UNC13D: variants seen among roughly 807,000 people sequenced by gnomAD.
UNC13D encodes the protein protein unc-13 homolog D.
In UNC13D, 115 loss-of-function variants were observed where a neutral mutation model predicts 151.7. The ratio of observed to expected loss-of-function variants is 0.76; its 90% CI spans 0.65 to 0.88. The LOEUF (loss-of-function observed/expected upper bound fraction) is 0.88. UNC13D is among the 40% of genes least tolerant of loss of function. The pLI, the probability that UNC13D is intolerant of heterozygous loss-of-function variation, is 0.00. For missense variants in UNC13D, 1,369 were observed against 1,438.7 expected, an observed-to-expected ratio of 0.95 and a Z score of 0.78; for synonymous variants, 588 against 612.2, an observed-to-expected ratio of 0.96 and a Z score of 0.58.
chr17:75,827,828 G>T lies in UNC13D; in HGVS notation c.*137C>A. 1 of 1,503,420 alleles carries T rather than the reference G, an allele frequency of 6.7e-7. No individual in the cohort carries two copies. The highest frequency in any genetic ancestry group is 8.9e-7 in the Non-Finnish European group (1 of 1,126,522). The allele number at this position is 1,503,420 out of a possible 1,614,324, so 93.1% of individuals were successfully genotyped here. ...GGGAGGCAGGGGAGGTCTGCACTCT[G>T]GGCACTCCGCATGCTGGGGCTCCCC... On this transcript the variant is annotated 3_prime_UTR_variant, in exon 32 of 32. Transcript: ENST00000207549.
intron 31 of UNC13D, 48 bp downstream of exon 31, chr17:75,828,739 T>C: frequency 1.4e-6 from 2 of 1,475,084 alleles, no homozygotes; most frequent in South Asian, 2.6e-5. Flanking sequence ...CTGCCTGAGC[T>C]TTACAGGCTC....
chr17:75,831,136 C>T lies in UNC13D; in HGVS notation c.2587G>A (p.Gly863Ser), dbSNP rs1199017760. 6.2e-7 allele frequency: 1 copy of T among 1,614,032 alleles called. No individual in the cohort carries two copies. Among genetic ancestry groups the T allele is most frequent in the Non-Finnish European group, 8.5e-7 (1 of 1,180,038 alleles). ...GTGTGCAGGGCCTTGGGTGGCAGGC[C>T]ACAGCCCTCAGCGTGGAAGCAGATC... ...LEICFHAEGCGLPPKALHTAT... is the reference protein window; with the variant it reads ...LEICFHAEGCSLPPKALHTAT... Residue 863 changes from glycine to serine, a missense_variant, in exon 27 of 32, where the codon GGC becomes AGC. Transcript: ENST00000207549.
intron 12 of UNC13D, among the ~76,000 whole-genome samples, 157 bp downstream of exon 12, chr17:75,839,682 A>C (rs1368019686): frequency 6.6e-6 from 1 of 152,078 alleles, no homozygotes. Context: ...GAATCTCTAG[A>C]CTTTTTAAAA....
At chr17:75,835,802 G>A (rs369061296) in intron 18 of UNC13D, 25 bp from the exon 19 acceptor site, 70 of 1,613,874 alleles carry the variant, frequency 4.3e-5, no homozygotes, top group African/African-American at 9.3e-5. Context: ...TGTGGAGGGC[G>A]GGGCCCACAG....
In UNC13D at chr17:75,830,529, G is replaced by A. The variant is rs187756078; in HGVS notation, c.2710-47C>T. The A allele has an allele frequency of 7.3e-4, 1,161 of 1,580,168 alleles. 3 individuals are homozygous for A. Among genetic ancestry groups the A allele is most frequent in the Admixed American group, 9.5e-4 (52 of 54,682 alleles). On this transcript the variant is annotated intron_variant, in intron 28 of 31. Transcript: ENST00000207549. ...GGGTCAGCAGGGTCACAGCGGGAGC[G>A]GGGTGCTCCAGGGCCTGCAGAGGGC... is the stretch of plus-strand genomic sequence containing the variant.
chr17:75,836,498 C>A (rs1221384551), intron 14 of UNC13D, 69 bp from the exon 15 acceptor site: 1 of 1,612,432 alleles, frequency 6.2e-7, no homozygotes, highest in African/African-American at 1.3e-5. Flanking sequence ...TCCAACAATT[C>A]TCCCACTCCT....
rs11870883 is a variant in UNC13D, at chr17:75,842,776, C to T, written c.388+81G>A. ...AGGGCTTCTTGGAAGTGGGTGCTCC[C>T]GCCAAGAGTCCTGGGCCAGGCTGTG... On this transcript the variant is annotated intron_variant, in intron 5 of 31. Transcript: ENST00000207549. 0.22 allele frequency: 344,299 copies of T among 1,600,510 alleles called. 38,287 individuals are homozygous for T. Among genetic ancestry groups the T allele is most frequent in the Non-Finnish European group, 0.23 (271,475 of 1,168,746 alleles).
At chr17:75,831,518 T>C (rs555602672) in intron 25 of UNC13D, 170 bp from the exon 26 acceptor site, 69 of 644,062 alleles carry the variant, frequency 1.1e-4, no homozygotes, top group Middle Eastern at 4.2e-4. Flanking sequence ...GGGGAGAGGG[T>C]GGGTACAGGA....
chr17:75,843,139 G>A lies in UNC13D; in HGVS notation c.261+20C>T. The A allele has an allele frequency of 1.2e-6, 2 of 1,610,732 alleles. No individual in the cohort carries two copies. The highest frequency in any genetic ancestry group is 1.1e-5 in the South Asian group (1 of 91,042). On this transcript the variant is annotated intron_variant, in intron 3 of 31. Coordinates refer to ENST00000207549, the MANE Select transcript of UNC13D (RefSeq NM_199242.3). Reference sequence around the variant, plus strand: ...ACAGGGCAGCTGCAGGAAGGGGGGTGGGGTGGGAGCCGGGCTCACCTCCTG... The same window carrying A: ...ACAGGGCAGCTGCAGGAAGGGGGGTAGGGTGGGAGCCGGGCTCACCTCCTG...
At position 75,828,884 on chromosome 17, in the gene UNC13D, G is replaced by A. The variant is rs770849476; in HGVS notation, c.3054C>T (p.Ala1018=). The A allele has an allele frequency of 6.2e-7, 1 of 1,603,556 alleles. No homozygotes were observed. ...TLGADDLEGE[A]FLPLREVPGL... The stretch of plus-strand genomic sequence containing the variant: ...CGGGCACCTCACGCAGCGGCAGGAA[G>A]GCCTCGCCTTCCAGGTCGTCGGCCC... Residue 1018 remains alanine (A), a synonymous_variant, in exon 31 of 32, where the codon GCC becomes GCT. Transcript: ENST00000207549.
chr17:75,834,819 C>T (rs2064895800), intron 21 of UNC13D, 101 bp downstream of exon 21: 4 of 1,609,504 alleles, frequency 2.5e-6, no homozygotes, highest in Non-Finnish European at 3.4e-6. Context: ...ATTTAGAATA[C>T]AGGCCTTGGG....
At position 75,835,381 on chromosome 17, in the gene UNC13D, C is replaced by G. The variant is rs373312163; in HGVS notation, c.1848+28G>C. 3.4e-5 allele frequency: 54 copies of G among 1,606,534 alleles called. No individual in the cohort carries two copies. The African/African-American group carries it at 6.1e-4, about 18-fold the overall frequency. ...CAAGCCTCACCCCCAAACCGGGGCC[C>G]CGCCCCCTGCCCTGGCCACGCCCCC... On this transcript the variant is annotated intron_variant, in intron 20 of 31. Transcript: ENST00000207549.
chr17:75,841,897 T>C (rs963760138), intron 6 of UNC13D, among the ~76,000 whole-genome samples: 60 of 150,774 alleles, frequency 4.0e-4, no homozygotes, highest in Middle Eastern at 3.5e-3. Flanking sequence ...TACAGGCGCC[T>C]GCCACCACGC....
At chr17:75,830,748 T>A in intron 27 of UNC13D, 87 bp from the exon 28 acceptor site, 5 of 1,456,482 alleles carry the variant, frequency 3.4e-6, no homozygotes, top group Non-Finnish European at 4.7e-6. Context: ...CTGTCAAGGG[T>A]AACATGTCCG....
chr17:75,843,885 G>C, intron 1 of UNC13D: 7 of 1,372,080 alleles, frequency 5.1e-6, no homozygotes, highest in Non-Finnish European at 6.6e-6. Flanking sequence ...GGGGTCTGCT[G>C]CTCCCCGAAC....
chr17:75,830,887 GCA>G (rs2064867615), intron 27 of UNC13D, among the ~76,000 whole-genome samples: 1 of 152,224 alleles, frequency 6.6e-6, no homozygotes, highest in African/African-American at 2.4e-5. Flanking sequence ...CCCCATGCGG[GCA>G]CACAGGGCCC....
chr17:75,834,361 A>G lies in UNC13D; in HGVS notation c.2262T>C (p.His754=), dbSNP rs753556309. The part of the protein sequence containing the change: ...QLQSALAGLG[H]EIRTGVRTLA... ...GGGTGCGGACGCCAGTGCGGATCTC[A>G]TGGCCCAGCCCGGCCAGCGCGCTCT... Residue 754 remains histidine (H), a synonymous_variant, in exon 23 of 32, where the codon CAT becomes CAC. Coordinates refer to ENST00000207549, the MANE Select transcript of UNC13D (RefSeq NM_199242.3). The G allele has an allele frequency of 1.7e-5, 27 of 1,590,832 alleles. No individual in the cohort carries two copies. The highest frequency in any genetic ancestry group is 2.2e-5 in the South Asian group (2 of 90,358).
At chr17:75,828,531 G>A (rs768723291) in intron 31 of UNC13D, among the ~76,000 whole-genome samples, 3 of 152,208 alleles carry the variant, frequency 2.0e-5, no homozygotes, top group Non-Finnish European at 4.4e-5. Flanking sequence ...GCAGGGAAGC[G>A]GCCCCGCCGA....
chr17:75,837,510 T>A (rs2064917228), intron 12 of UNC13D, among the ~76,000 whole-genome samples: 1 of 151,188 alleles, frequency 6.6e-6, no homozygotes, highest in South Asian at 2.1e-4. Flanking sequence ...TCCCAGGACT[T>A]TTGGAGGCCG....
Sources: allele counts gnomAD v4.1 joint callset (sites outside exome capture counted in the v4.1 genomes callset), GRCh38; gene constraint gnomAD v4.1.1; transcripts MANE v1.5; gene names NCBI Gene and HGNC (gene_info 2026-07-23, HGNC 2026-07-21).